Variants in ELF1 observed in about 807,000 individuals in gnomAD.
ELF1 encodes the protein E74 like ETS transcription factor 1, also known as ETS-related transcription factor Elf-1.
In ELF1, 24 loss-of-function variants were observed where a neutral mutation model predicts 59.9. The observed-to-expected ratio is 0.40, with a 90% CI of 0.29 to 0.56. ELF1 has a LOEUF of 0.56. ELF1 is among the 20% of genes least tolerant of loss of function. The pLI, the probability that ELF1 is intolerant of heterozygous loss-of-function variation, is 0.44. For missense variants in ELF1, 627 were observed against 742.2 expected (o/e 0.84, Z 1.80); for synonymous variants, 248 against 266.2 (o/e 0.93, Z 0.67).
intron 2 of ELF1, among the ~76,000 whole-genome samples, chr13:40,975,424 G>C (rs1872844287): frequency 6.6e-6 from 1 of 151,708 alleles, no homozygotes; most frequent in South Asian, 2.1e-4. Context: ...CAGAGTAGAG[G>C]GAAAAACAAA....
At chr13:41,057,299 G>A (rs1313096465) in intron 1 of ELF1, among the ~76,000 whole-genome samples, 1 of 151,864 alleles carries the variant, frequency 6.6e-6, no homozygotes, top group African/African-American at 2.4e-5. Context: ...TAGGACTACA[G>A]GCATGTGGCA....
intron 1 of ELF1, among the ~76,000 whole-genome samples, chr13:41,050,910 C>T (rs1313706703): frequency 1.3e-5 from 2 of 152,126 alleles, no homozygotes; most frequent in Admixed American, 1.3e-4. Context: ...ATTTTACATC[C>T]CCACCAACAC....
At chr13:41,011,080 A>C (rs1034556511) in intron 1 of ELF1, among the ~76,000 whole-genome samples, 3 of 152,222 alleles carry the variant, frequency 2.0e-5, no homozygotes, top group African/African-American at 7.2e-5. Flanking sequence ...ATTCTAAGGA[A>C]GCTACATGAA....
chr13:40,953,227 C>T (rs559370943), intron 3 of ELF1, among the ~76,000 whole-genome samples: 10 of 152,164 alleles, frequency 6.6e-5, no homozygotes, highest in African/African-American at 1.4e-4. Context: ...CTGCCCGCCT[C>T]GGCCTCCCAA....
intron 6 of ELF1, 48 bp downstream of exon 6, chr13:40,943,794 T>C (rs747107612): frequency 2.0e-6 from 3 of 1,532,602 alleles, no homozygotes; most frequent in South Asian, 1.2e-5. Flanking sequence ...GTAGGCACTA[T>C]AAAGCAATCT....
chr13:41,045,543 A>C (rs1021412262), intron 1 of ELF1, among the ~76,000 whole-genome samples: 1 of 152,118 alleles, frequency 6.6e-6, no homozygotes, highest in Admixed American at 6.5e-5. Flanking sequence ...TCATTTCGTT[A>C]TGTACCCAGC....
At chr13:40,949,725 A>G (rs2138155584) in intron 5 of ELF1, 81 bp downstream of exon 5, 1 of 1,453,938 alleles carries the variant, frequency 6.9e-7, no homozygotes, top group Non-Finnish European at 9.2e-7. Flanking sequence ...TGCAGCAGGA[A>G]AGAACTATGT....
At chr13:40,989,269 G>A (rs1415767014) in intron 1 of ELF1, among the ~76,000 whole-genome samples, 1 of 152,134 alleles carries the variant, frequency 6.6e-6, no homozygotes, top group Non-Finnish European at 1.5e-5. Flanking sequence ...CTCTAAACCA[G>A]GTACTCTACA....
At chr13:41,048,537 T>C (rs1876955301) in intron 1 of ELF1, among the ~76,000 whole-genome samples, 1 of 151,946 alleles carries the variant, frequency 6.6e-6, no homozygotes, top group South Asian at 2.1e-4. Flanking sequence ...CACCTCAGCC[T>C]CCCGAGTAGC....
At chr13:40,942,023 ACGG>A (rs1173764146) in intron 7 of ELF1, among the ~76,000 whole-genome samples, 1 of 152,048 alleles carries the variant, frequency 6.6e-6, no homozygotes, top group Non-Finnish European at 1.5e-5. Flanking sequence ...TTTCTCCTCC[ACGG>A]CTTTCTAGAA....
chr13:40,940,368 G>A (rs1593348810), intron 8 of ELF1, among the ~76,000 whole-genome samples: 1 of 133,274 alleles, frequency 7.5e-6, no homozygotes, highest in African/African-American at 3.1e-5. Context: ...GGGGCTCTGA[G>A]GCAAATCTGA....
At position 40,941,298 on chromosome 13, in the gene ELF1, T is replaced by C. The variant is rs746867928; in HGVS notation, c.879A>G (p.Pro293=). The C allele has an allele frequency of 1.2e-6, 2 of 1,613,860 alleles. No homozygotes were observed. The highest frequency in any genetic ancestry group is 1.1e-5 in the South Asian group (1 of 91,000). Reference sequence around the variant, plus strand: ...CATCATTTATATATATAAGATCTTTTGGCATTTCTTTAAACTGATACACCA... The same window carrying C: ...CATCATTTATATATATAAGATCTTTCGGCATTTCTTTAAACTGATACACCA... ...QRLVYQFKEM[P]KDLIYINDED... The change falls in exon 8 of 9, where the codon CCA becomes CCG. Residue 293 remains proline (P), a synonymous_variant. Transcript: ENST00000239882.
chr13:41,049,600 C>T (rs1876998662), intron 1 of ELF1, among the ~76,000 whole-genome samples: 1 of 152,018 alleles, frequency 6.6e-6, no homozygotes, highest in African/African-American at 2.4e-5. Context: ...TTTCATTTCC[C>T]AAAATACACT....
Position 40,996,341 on chromosome 13 carries a change from A to C in ELF1, c.-228-14059T>G, listed in dbSNP as rs549772796. 5.4e-4 allele frequency among the ~76,000 whole-genome samples: 82 copies of C among 152,350 alleles called. 1 individual carries two copies. The highest frequency in any genetic ancestry group is 9.0e-4 in the Non-Finnish European group (61 of 68,034). On this transcript the variant is annotated intron_variant, in intron 1 of 8. Coordinates refer to ENST00000239882, the MANE Select transcript of ELF1 (RefSeq NM_172373.4). ...CCAAAGGAAGTAAAAACTTATGTCC[A>C]CACAAAACCTGCACATGGATGTTTA...
At chr13:40,961,268 A>G (rs746393961) in intron 2 of ELF1, among the ~76,000 whole-genome samples, 4 of 152,344 alleles carry the variant, frequency 2.6e-5, no homozygotes, top group Non-Finnish European at 4.4e-5. Flanking sequence ...ATCCTAAAAC[A>G]CATTTGGATC....
intron 1 of ELF1, among the ~76,000 whole-genome samples, chr13:41,042,384 G>A (rs1315624622): frequency 2.0e-5 from 3 of 151,318 alleles, no homozygotes. Flanking sequence ...ATGTATACAT[G>A]TGCCATGTTG....
At position 41,056,104 on chromosome 13, in the gene ELF1, A is replaced by ATC. The variant is rs771527287; in HGVS notation, c.-229+4732_-229+4733dup. On this transcript the variant is annotated intron_variant, in intron 1 of 1. Coordinates refer to the ELF1 transcript ENST00000405737. ...ATAGAGTTATAGAACTATCACTGTA[A>ATC]TCTATTTCAGGACTTTCAATCACCC... is the stretch of plus-strand genomic sequence containing the variant. Among the ~76,000 whole-genome samples the ATC allele has an allele frequency of 8.7e-4, 133 of 152,288 alleles. 1 individual carries two copies. The highest frequency in any genetic ancestry group is 4.8e-3 in the Admixed American group (74 of 15,294).
At chr13:41,047,041 C>G (rs1359526171) in intron 1 of ELF1, among the ~76,000 whole-genome samples, 1 of 152,230 alleles carries the variant, frequency 6.6e-6, no homozygotes, top group African/African-American at 2.4e-5. Context: ...TCTTCAATCA[C>G]TGATACCCTT....
chr13:41,015,114 T>C (rs769026640), intron 1 of ELF1, among the ~76,000 whole-genome samples: 1 of 152,146 alleles, frequency 6.6e-6, no homozygotes, highest in Non-Finnish European at 1.5e-5. Flanking sequence ...GGGGTGTTTT[T>C]CCTAAAGCCC....
Sources: gnomAD v4.1 joint callset for allele counts (sites outside exome capture counted in the v4.1 genomes callset) on GRCh38, gnomAD v4.1.1 for gene constraint, MANE v1.5 for transcripts, NCBI Gene and HGNC (gene_info 2026-07-23, HGNC 2026-07-21) for gene names.